CNTN5: variants seen among roughly 807,000 people sequenced by gnomAD.
CNTN5 encodes the protein contactin 5.
A neutral mutation model predicts 129.1 loss-of-function variants in CNTN5; 77 were observed. That is an observed-to-expected ratio of 0.60 (90% CI 0.50 to 0.72). The LOEUF is 0.72. CNTN5 is among the 30% of genes least tolerant of loss of function. CNTN5 has a pLI of 0.00. For synonymous variants in CNTN5, 509 were observed against 465.6 expected, an observed-to-expected ratio of 1.09 and a Z score of -1.20; for missense variants, 1,478 against 1,328.8, an observed-to-expected ratio of 1.11 and a Z score of -1.75.
intron 10 of CNTN5, among the ~76,000 whole-genome samples, chr11:100,061,925 T>C (rs1418257013): frequency 1.2e-4 from 19 of 152,208 alleles, no homozygotes; most frequent in Admixed American, 1.2e-3. Context: ...TCAGAATAAG[T>C]TTGCTGACCT....
chr11:99,576,401 T>A (rs865933760), intron 3 of CNTN5, among the ~76,000 whole-genome samples: 1 of 152,224 alleles, frequency 6.6e-6, no homozygotes. Context: ...GTCCCTATTA[T>A]AAATGCATTA....
At chr11:100,249,871 A>T (rs966181947) in intron 16 of CNTN5, among the ~76,000 whole-genome samples, 1 of 152,144 alleles carries the variant, frequency 6.6e-6, no homozygotes, top group Non-Finnish European at 1.5e-5. Flanking sequence ...GCCAGGCAGC[A>T]TTCAGTATAT....
At chr11:100,100,367 A>G (rs924342262) in intron 13 of CNTN5, among the ~76,000 whole-genome samples, 1 of 152,112 alleles carries the variant, frequency 6.6e-6, no homozygotes, top group African/African-American at 2.4e-5. Flanking sequence ...ATGTCTCTAT[A>G]CACCCATTTA....
intron 1 of CNTN5, among the ~76,000 whole-genome samples, chr11:99,145,754 C>T (rs924029625): frequency 5.3e-5 from 8 of 152,018 alleles, no homozygotes; most frequent in African/African-American, 1.9e-4. Context: ...ATTTTATAGA[C>T]CATAGAGATA....
intron 1 of CNTN5, among the ~76,000 whole-genome samples, chr11:99,101,262 G>T (rs1866721318): frequency 6.6e-6 from 1 of 151,282 alleles, no homozygotes; most frequent in African/African-American, 2.4e-5. Flanking sequence ...GAAATTATGG[G>T]AACCACAGTT....
chr11:99,625,057 A>T (rs922042151), intron 3 of CNTN5, among the ~76,000 whole-genome samples: 1 of 152,180 alleles, frequency 6.6e-6, no homozygotes, highest in Non-Finnish European at 1.5e-5. Flanking sequence ...CCAGTGTTGG[A>T]CACATGGCAG....
intron 2 of CNTN5, among the ~76,000 whole-genome samples, chr11:99,523,638 ATAGAATAGAATAGAACAGAACAGAT>A (rs1298663312): frequency 7.6e-4 from 39 of 51,062 alleles, no homozygotes; most frequent in African/African-American, 2.3e-3. Flanking sequence ...ATAGAATAGA[ATAGAATAGAATAGAACAGAACAGAT>A]CAGAACAGAA....
chr11:99,844,854 AGT>A lies in CNTN5; in HGVS notation c.284_285del (p.Val95GlyfsTer12). 1 of 1,610,646 alleles carries A rather than the reference AGT, an allele frequency of 6.2e-7. No homozygotes were observed. The highest frequency in any genetic ancestry group is 8.5e-7 in the Non-Finnish European group (1 of 1,178,674). ...ATGTGTCTGTTTTGTCTTTACAGAA[AGT>A]GTGGACTATGGGCCAGTTTTTGTGC... ...HSSDAFKQDE[S>X]VDYGPVFVQE... On this transcript the variant is annotated frameshift_variant, in exon 5 of 25. Coordinates refer to ENST00000524871, the MANE Select transcript of CNTN5 (RefSeq NM_014361.4). LOFTEE classifies it high-confidence loss of function.
chr11:99,141,940 A>C (rs376572701), intron 1 of CNTN5, among the ~76,000 whole-genome samples: 37 of 152,280 alleles, frequency 2.4e-4, no homozygotes, highest in African/African-American at 8.7e-4. Context: ...CCATGTACCT[A>C]TGAGAAGAAT....
chr11:99,356,030 G>A (rs529822046), intron 2 of CNTN5, among the ~76,000 whole-genome samples: 6 of 152,022 alleles, frequency 3.9e-5, no homozygotes, highest in Middle Eastern at 3.4e-3. Flanking sequence ...GTTTCACCAT[G>A]TTAGCCAGGA....
chr11:99,976,686 C>A (rs575474910), intron 8 of CNTN5, among the ~76,000 whole-genome samples: 2 of 152,308 alleles, frequency 1.3e-5, no homozygotes, highest in African/African-American at 4.8e-5. Flanking sequence ...ATGCAGAGTG[C>A]CATGTCCCGA....
intron 1 of CNTN5, among the ~76,000 whole-genome samples, chr11:99,303,090 C>CAGTG (rs1864715834): frequency 6.6e-6 from 1 of 151,592 alleles, no homozygotes; most frequent in South Asian, 2.1e-4. Flanking sequence ...CATGTTTTTG[C>CAGTG]AGTGACATGA....
In CNTN5 at chr11:100,168,218, A is replaced by G. The variant is rs541037760; in HGVS notation, c.1581-22908A>G. Among the ~76,000 whole-genome samples, 15 of 152,130 alleles carry G rather than the reference A, an allele frequency of 9.9e-5. No individual in the cohort carries two copies. In the East Asian group the frequency reaches 2.7e-3, roughly 28 times the overall value. Reference sequence around the variant, plus strand: ...ACGTAGAAGCTGCAGCAAGTTACCCAGAAGATATAACTAAGGGCATTGATG... The same window carrying G: ...ACGTAGAAGCTGCAGCAAGTTACCCGGAAGATATAACTAAGGGCATTGATG... On this transcript the variant is annotated intron_variant, in intron 13 of 24. Coordinates refer to ENST00000524871, the MANE Select transcript of CNTN5 (RefSeq NM_014361.4).
chr11:100,120,713 G>A (rs897540680), intron 13 of CNTN5, among the ~76,000 whole-genome samples: 9 of 151,764 alleles, frequency 5.9e-5, no homozygotes, highest in African/African-American at 2.2e-4. Flanking sequence ...AAAGTGACAA[G>A]CTTATTTTTA....
intron 17 of CNTN5, among the ~76,000 whole-genome samples, chr11:100,267,277 A>G (rs964033019): frequency 7.2e-6 from 1 of 139,858 alleles, no homozygotes; most frequent in Non-Finnish European, 1.5e-5. Context: ...ACACACACAC[A>G]CACAGAGAGA....
chr11:99,722,095 G>A (rs1349321591), intron 3 of CNTN5, among the ~76,000 whole-genome samples: 2 of 152,094 alleles, frequency 1.3e-5, no homozygotes, highest in Non-Finnish European at 2.9e-5. Flanking sequence ...AGAGCTAAAA[G>A]TGGAACTATC....
chr11:99,268,923 T>G (rs1000423920), intron 1 of CNTN5, among the ~76,000 whole-genome samples: 1 of 152,006 alleles, frequency 6.6e-6, no homozygotes, highest in Non-Finnish European at 1.5e-5. Context: ...CCAATGACCC[T>G]AAAATCAGAG....
At chr11:100,026,263 T>C (rs533450108) in intron 9 of CNTN5, among the ~76,000 whole-genome samples, 1 of 151,674 alleles carries the variant, frequency 6.6e-6, no homozygotes, top group African/African-American at 2.4e-5. Context: ...GTGAAGAAGA[T>C]GCCTTGCTTC....
chr11:99,827,707 G>T (rs145413294), intron 4 of CNTN5, among the ~76,000 whole-genome samples: 2 of 152,084 alleles, frequency 1.3e-5, no homozygotes, highest in African/African-American at 4.8e-5. Context: ...AATATTTTTA[G>T]AGGCTTATTA....
Sources: gnomAD v4.1 joint callset for allele counts (sites outside exome capture counted in the v4.1 genomes callset) on GRCh38, gnomAD v4.1.1 for gene constraint, MANE v1.5 for transcripts, NCBI Gene and HGNC (gene_info 2026-07-23, HGNC 2026-07-21) for gene names.